DAB1: variants seen among roughly 807,000 people sequenced by gnomAD.
The protein encoded by DAB1 is disabled homolog 1.
Under a neutral mutation model 64.6 loss-of-function variants are expected in DAB1, and 15 were observed. That is an observed-to-expected ratio of 0.23 (90% CI 0.16 to 0.36). The LOEUF (loss-of-function observed/expected upper bound fraction) is 0.36, where lower values mean the gene tolerates loss of function less well. Ranked by LOEUF, DAB1 falls within the 10% of genes least tolerant of loss-of-function variation. The probability of loss-of-function intolerance (pLI) is 1.00; values close to 1 mark genes in which losing one functional copy is unlikely to be tolerated. For synonymous variants in DAB1, 235 were observed against 251.9 expected, an observed-to-expected ratio of 0.93 and a Z score of 0.64; for missense variants, 596 against 706.7, an observed-to-expected ratio of 0.84 and a Z score of 1.78.
chr1:57,405,469 G>C (rs556269915), intron 1 of DAB1, among the ~76,000 whole-genome samples: 1 of 152,186 alleles, frequency 6.6e-6, no homozygotes, highest in Non-Finnish European at 1.5e-5. Context: ...GAACAGGCCA[G>C]AATTCACCAG....
intron 7 of DAB1, among the ~76,000 whole-genome samples, chr1:57,551,670 C>T (rs148837310): frequency 2.4e-4 from 37 of 152,228 alleles, no homozygotes; most frequent in African/African-American, 8.4e-4. Flanking sequence ...TGCAGGCCTG[C>T]CTTTTAAAGA....
intron 5 of DAB1, among the ~76,000 whole-genome samples, chr1:57,982,366 T>C (rs1433713308): frequency 6.6e-6 from 1 of 152,192 alleles, no homozygotes; most frequent in African/African-American, 2.4e-5. Flanking sequence ...TTGTCTAGCA[T>C]ATATTTGACA....
intron 9 of DAB1, among the ~76,000 whole-genome samples, chr1:57,047,560 T>C (rs1648672047): frequency 6.6e-6 from 1 of 152,138 alleles, no homozygotes; most frequent in African/African-American, 2.4e-5. Flanking sequence ...TAAGGAGAAG[T>C]TGGTGGTCTA....
intron 5 of DAB1, among the ~76,000 whole-genome samples, chr1:57,902,917 G>A (rs918201276): frequency 6.6e-6 from 1 of 152,178 alleles, no homozygotes; most frequent in Middle Eastern, 3.2e-3. Context: ...CCGAGACTGG[G>A]TCATTTATAA....
At chr1:58,263,811 T>A (rs766636883) in intron 4 of DAB1, among the ~76,000 whole-genome samples, 1 of 152,224 alleles carries the variant, frequency 6.6e-6, no homozygotes, top group Non-Finnish European at 1.5e-5. Context: ...GTACCTGATA[T>A]ATTGTAGAAG....
intron 1 of DAB1, among the ~76,000 whole-genome samples, chr1:57,346,536 G>A (rs932778327): frequency 6.6e-6 from 1 of 152,070 alleles, no homozygotes; most frequent in East Asian, 1.9e-4. Context: ...CACACACAGA[G>A]ATGCAAATTT....
intron 7 of DAB1, among the ~76,000 whole-genome samples, chr1:57,500,486 A>AC (rs1644278110): frequency 6.6e-6 from 1 of 152,220 alleles, no homozygotes; most frequent in Non-Finnish European, 1.5e-5. Flanking sequence ...TTACAGGAAA[A>AC]AGAGGTCTTT....
chr1:57,584,666 T>TTA (rs1645356106), intron 7 of DAB1, among the ~76,000 whole-genome samples: 2 of 152,296 alleles, frequency 1.3e-5, no homozygotes, highest in Admixed American at 1.3e-4. Flanking sequence ...CACACATATA[T>TTA]TATGCTCTCC....
chr1:57,109,366 G>A (rs897258964), intron 4 of DAB1, among the ~76,000 whole-genome samples: 10 of 152,152 alleles, frequency 6.6e-5, no homozygotes, highest in African/African-American at 1.9e-4. Context: ...GCTTGTTAAG[G>A]AAAGTGCTTC....
intron 4 of DAB1, among the ~76,000 whole-genome samples, chr1:58,204,493 G>C (rs914158591): frequency 6.6e-6 from 1 of 152,168 alleles, no homozygotes; most frequent in African/African-American, 2.4e-5. Context: ...ACCAGTAGGG[G>C]GTAGAGAAGT....
intron 3 of DAB1, among the ~76,000 whole-genome samples, chr1:58,376,126 C>A (rs570209292): frequency 1.3e-5 from 2 of 152,120 alleles, no homozygotes; most frequent in East Asian, 1.9e-4. Flanking sequence ...TTTCAAAAAA[C>A]CAGCTCCTGG....
At chr1:58,037,077 A>G (rs772214636) in intron 5 of DAB1, among the ~76,000 whole-genome samples, 1 of 151,846 alleles carries the variant, frequency 6.6e-6, no homozygotes, top group African/African-American at 2.4e-5. Context: ...TACTCCTCCC[A>G]TCTTCCCTTA....
chr1:58,296,112 A>G (rs1029447651), intron 4 of DAB1, among the ~76,000 whole-genome samples: 3 of 147,462 alleles, frequency 2.0e-5, no homozygotes, highest in Non-Finnish European at 4.5e-5. Flanking sequence ...AAAAAAAGCA[A>G]GAAAGCGAGA....
intron 5 of DAB1, among the ~76,000 whole-genome samples, chr1:57,992,016 C>T (rs1451272963): frequency 1.3e-5 from 2 of 152,104 alleles, no homozygotes; most frequent in African/African-American, 4.8e-5. Context: ...AGACCACATG[C>T]AGTCAGCCAG....
Position 57,556,031 on chromosome 1 carries a change from G to C in DAB1, n.625+93561C>G, listed in dbSNP as rs369895122. Among the ~76,000 whole-genome samples, 14 of 152,274 alleles carry C rather than the reference G, an allele frequency of 9.2e-5. No individual in the cohort carries two copies. In the South Asian group the frequency reaches 1.7e-3, roughly 18 times the overall value. The stretch of plus-strand genomic sequence containing the variant: ...AAACTTTTATTTAGGCAGCAGTGAG[G>C]ATGGTGTTTCCAACACAAATTGAGA... On this transcript the variant is annotated intron_variant and non_coding_transcript_variant, in intron 7 of 20. Transcript: ENST00000485760.
intron 2 of DAB1, among the ~76,000 whole-genome samples, chr1:57,277,944 C>G (rs1441971848): frequency 2.6e-5 from 4 of 152,116 alleles, no homozygotes; most frequent in African/African-American, 7.2e-5. Flanking sequence ...GTATTGCCAG[C>G]CAGGGAAAGC....
chr1:57,079,928 A>T (rs1652335640), intron 4 of DAB1, among the ~76,000 whole-genome samples: 1 of 152,068 alleles, frequency 6.6e-6, no homozygotes, highest in South Asian at 2.1e-4. Context: ...ATGTATGGGG[A>T]TGAATTGATC....
intron 3 of DAB1, among the ~76,000 whole-genome samples, chr1:58,354,680 G>C (rs1201230253): frequency 1.3e-5 from 2 of 152,156 alleles, no homozygotes; most frequent in African/African-American, 4.8e-5. Flanking sequence ...AGAGGGAGGA[G>C]GGGAAGTCTG....
intron 5 of DAB1, among the ~76,000 whole-genome samples, chr1:57,939,159 C>A (rs991793816): frequency 6.6e-6 from 1 of 152,024 alleles, no homozygotes; most frequent in African/African-American, 2.4e-5. Context: ...CACAGATGAC[C>A]TTCTTCTCTC....
Sources: allele counts gnomAD v4.1 joint callset (sites outside exome capture counted in the v4.1 genomes callset), GRCh38; gene constraint gnomAD v4.1.1; transcripts MANE v1.5; gene names NCBI Gene and HGNC (gene_info 2026-07-23, HGNC 2026-07-21).